CSPP1: variants seen among roughly 807,000 people sequenced by gnomAD.
CSPP1 encodes centrosome and spindle pole associated protein 1, also known as centrosome and spindle pole-associated protein 1.
In CSPP1, 126 loss-of-function variants were observed where a neutral mutation model predicts 164.4. That is an observed-to-expected ratio of 0.77 (90% CI 0.66 to 0.89). The LOEUF is 0.89. CSPP1 is among the 40% of genes least tolerant of loss of function. The pLI, the probability that CSPP1 is intolerant of heterozygous loss-of-function variation, is 0.00. For missense variants in CSPP1, 1,395 were observed against 1,449.8 expected, an observed-to-expected ratio of 0.96 and a Z score of 0.61; for synonymous variants, 472 against 476.7, an observed-to-expected ratio of 0.99 and a Z score of 0.13.
intron 6 of CSPP1, among the ~76,000 whole-genome samples, chr8:67,095,041 C>T (rs1375205626): frequency 6.6e-6 from 1 of 152,038 alleles, no homozygotes; most frequent in Non-Finnish European, 1.5e-5. Context: ...AGTAATGTTC[C>T]ATTGCATGGC....
At chr8:67,178,185 G>A (rs951566614) in intron 27 of CSPP1, among the ~76,000 whole-genome samples, 2 of 152,166 alleles carry the variant, frequency 1.3e-5, no homozygotes, top group Non-Finnish European at 2.9e-5. Flanking sequence ...GGCCCATTAT[G>A]AGTGCAGTGT....
chr8:67,076,224 AT>A (rs1483198846), intron 2 of CSPP1, among the ~76,000 whole-genome samples: 1 of 152,140 alleles, frequency 6.6e-6, no homozygotes, highest in South Asian at 2.1e-4. Flanking sequence ...TAAAACTCTT[AT>A]ACTTTCAATG....
chr8:67,119,834 G>C (rs1033083285), intron 15 of CSPP1, among the ~76,000 whole-genome samples: 5 of 152,074 alleles, frequency 3.3e-5, no homozygotes, highest in Non-Finnish European at 7.4e-5. Context: ...CTCCCATTCT[G>C]TCTTGATATT....
Position 67,095,626 on chromosome 8 carries a change from T to C in CSPP1, c.817T>C (p.Tyr273His). ...FNEDRVFDRR[Y>H]HRPDQDPEVS... ...TGAGGATCGTGTTTTTGATAGACGG[T>C]ATCATAGACCAGACCAAGATCCTGA... The change falls in exon 7 of 31, where the codon TAT (tyrosine) becomes CAT (histidine). Residue 273 changes from tyrosine to histidine, a missense_variant. Transcript: ENST00000678616. 2 of 1,613,574 alleles carry C rather than the reference T, an allele frequency of 1.2e-6. No individual in the cohort carries two copies. Among genetic ancestry groups the C allele is most frequent in the Non-Finnish European group, 1.7e-6 (2 of 1,179,602 alleles).
chr8:67,104,146 C>G (rs927699819), intron 8 of CSPP1, among the ~76,000 whole-genome samples: 10 of 151,680 alleles, frequency 6.6e-5, no homozygotes, highest in African/African-American at 2.4e-4. Flanking sequence ...CTATTTTTTT[C>G]TAAGAAAAGT....
rs917913299 is a variant in CSPP1 at position 67,095,559 on chromosome 8, A to G, written c.750A>G (p.Ala250=). 1 of 1,613,942 alleles carries G rather than the reference A, an allele frequency of 6.2e-7. No individual in the cohort carries two copies. Residue 250 remains alanine, a synonymous_variant, in exon 7 of 31, where the codon GCA becomes GCG. Transcript: ENST00000678616. ...CCAACCTAAAACATCAAAGGTTTGC[A>G]AGCAAGGCTGGCATTCCAGATAGAA... ...GISNLKHQRF[A]SKAGIPDRRF...
chr8:67,180,885 G>A (rs1832845757), intron 28 of CSPP1, among the ~76,000 whole-genome samples: 1 of 151,768 alleles, frequency 6.6e-6, no homozygotes, highest in Non-Finnish European at 1.5e-5. Context: ...ATACACTTAC[G>A]ATTATGTACT....
At chr8:67,120,434 T>A (rs1818752388) in intron 15 of CSPP1, among the ~76,000 whole-genome samples, 1 of 152,226 alleles carries the variant, frequency 6.6e-6, no homozygotes, top group Admixed American at 6.5e-5. Context: ...GTAGTGAGTG[T>A]ATTGAATCTT....
chr8:67,070,739 A>G (rs1249334285), intron 1 of CSPP1, among the ~76,000 whole-genome samples: 2 of 149,520 alleles, frequency 1.3e-5, no homozygotes, highest in African/African-American at 4.9e-5. Flanking sequence ...ATATATATAT[A>G]TATTTCTATT....
intron 17 of CSPP1, among the ~76,000 whole-genome samples, chr8:67,138,879 G>C (rs1822908704): frequency 6.6e-6 from 1 of 152,164 alleles, no homozygotes; most frequent in Non-Finnish European, 1.5e-5. Context: ...CCTATGTCCT[G>C]AATGGTATTG....
chr8:67,110,525 G>A (rs534034629), intron 9 of CSPP1, among the ~76,000 whole-genome samples: 9 of 152,206 alleles, frequency 5.9e-5, no homozygotes, highest in Admixed American at 1.3e-4. Flanking sequence ...TTCACTCTGT[G>A]AATGCACAAA....
chr8:67,085,860 T>C, intron 3 of CSPP1, 147 bp from the exon 4 acceptor site: 1 of 588,218 alleles, frequency 1.7e-6, no homozygotes, highest in East Asian at 2.8e-5. Flanking sequence ...GTATTATCTA[T>C]TGAGACATTT....
At chr8:67,143,221 A>G (rs1170223588) in intron 17 of CSPP1, among the ~76,000 whole-genome samples, 1 of 151,512 alleles carries the variant, frequency 6.6e-6, no homozygotes, top group African/African-American at 2.4e-5. Flanking sequence ...ATTGCTCTAT[A>G]TTTCTATCCT....
chr8:67,075,632 C>G (rs1807756836), intron 2 of CSPP1, among the ~76,000 whole-genome samples: 1 of 152,238 alleles, frequency 6.6e-6, no homozygotes, highest in African/African-American at 2.4e-5. Context: ...TGACCCCTGG[C>G]AGCCTGGCTT....
intron 9 of CSPP1, among the ~76,000 whole-genome samples, chr8:67,109,673 A>G (rs943875408): frequency 6.6e-6 from 1 of 152,138 alleles, no homozygotes; most frequent in Non-Finnish European, 1.5e-5. Context: ...CATGCTCCTT[A>G]ATGTAGCAGT....
At position 67,103,013 on chromosome 8, in the gene CSPP1, T is replaced by C. The variant is rs757888614; in HGVS notation, c.924-24T>C. 13 of 1,430,868 alleles carry C rather than the reference T, an allele frequency of 9.1e-6. No individual in the cohort carries two copies. The Admixed American group carries it at 2.2e-4, about 24-fold the overall frequency. The allele number at this position is 1,430,868 out of a possible 1,614,324, so 88.6% of individuals were successfully genotyped here. ...AAGGTCCACTGTATGTGGCACATGC[T>C]TTATAAGCTAATGTGTTTTTAAGGA... On this transcript the variant is annotated intron_variant, in intron 7 of 30. Transcript: ENST00000678616.
intron 28 of CSPP1, among the ~76,000 whole-genome samples, chr8:67,188,812 G>A (rs1195741649): frequency 2.6e-5 from 4 of 152,188 alleles, no homozygotes; most frequent in Non-Finnish European, 5.9e-5. Flanking sequence ...ACGGCTAAGT[G>A]CCCGGGTTTG....
chr8:67,188,657 C>CCA (rs1302453448), intron 28 of CSPP1, among the ~76,000 whole-genome samples: 11 of 152,244 alleles, frequency 7.2e-5, no homozygotes, highest in African/African-American at 2.6e-4. Context: ...CGCTTGCTGT[C>CCA]CACCAGTGCT....
chr8:67,181,349 T>C (rs1304514991), intron 28 of CSPP1, among the ~76,000 whole-genome samples: 3 of 151,080 alleles, frequency 2.0e-5, no homozygotes, highest in South Asian at 2.1e-4. Context: ...TTTTTTTTTT[T>C]TTTTTTTTTT....
Sources: gnomAD v4.1 joint callset for allele counts (sites outside exome capture counted in the v4.1 genomes callset) on GRCh38, gnomAD v4.1.1 for gene constraint, MANE v1.5 for transcripts, NCBI Gene and HGNC (gene_info 2026-07-23, HGNC 2026-07-21) for gene names.